ITGAD: variants seen among roughly 807,000 people sequenced by gnomAD.
ITGAD encodes the protein integrin alpha-D.
Under a neutral mutation model 139.0 loss-of-function variants are expected in ITGAD, and 105 were observed. The observed-to-expected ratio is 0.76, with a 90% CI of 0.65 to 0.89. ITGAD has a LOEUF of 0.89. Ranked by LOEUF, ITGAD falls within the 40% of genes least tolerant of loss-of-function variation. ITGAD has a pLI of 0.00. For missense variants in ITGAD, 1,384 were observed against 1,487.3 expected (o/e 0.93, Z 1.14); for synonymous variants, 569 against 598.3 (o/e 0.95, Z 0.71).
chr16:31,407,806 T>C lies in ITGAD; in HGVS notation c.899T>C (p.Leu300Pro). 2 of 1,613,906 alleles carry C rather than the reference T, an allele frequency of 1.2e-6. No individual in the cohort carries two copies. Among genetic ancestry groups the C allele is most frequent in the African/African-American group, 1.3e-5 (1 of 75,040 alleles). The part of the protein sequence containing the change: ...AFQGPTARQE[L>P]NTISSAPPQD... ...CAGGGACCCACTGCCAGGCAGGAGCTGAATACCATCAGCTCAGCGCCTCCG... is the reference window on the plus strand; with the variant it reads ...CAGGGACCCACTGCCAGGCAGGAGCCGAATACCATCAGCTCAGCGCCTCCG... Residue 300 changes from leucine to proline, a missense_variant, in exon 9 of 30, where the codon CTG becomes CCG. Physicochemically the swap from Leu to Pro is moderately conservative, Grantham distance 98 (BLOSUM62 -3). Coordinates refer to ENST00000389202, the MANE Select transcript of ITGAD (RefSeq NM_005353.3).
At chr16:31,415,994 G>A (rs1256123892) in intron 18 of ITGAD, among the ~76,000 whole-genome samples, 2 of 152,216 alleles carry the variant, frequency 1.3e-5, no homozygotes, top group African/African-American at 4.8e-5. Context: ...TAAGCTGGAT[G>A]TAACTCAACT....
intron 5 of ITGAD, 41 bp downstream of exon 5, chr16:31,397,950 C>A: frequency 1.3e-6 from 2 of 1,490,454 alleles, no homozygotes; most frequent in South Asian, 1.2e-5. Context: ...GGAGCACATG[C>A]TGGCACTGAG....
intron 2 of ITGAD, among the ~76,000 whole-genome samples, chr16:31,395,253 G>A (rs536563565): frequency 6.6e-6 from 1 of 152,288 alleles, no homozygotes; most frequent in East Asian, 1.9e-4. Context: ...CTGGGAGGTG[G>A]AGGTTGCAGT....
intron 5 of ITGAD, 39 bp from the exon 6 acceptor site, chr16:31,402,076 C>T: frequency 6.2e-7 from 1 of 1,601,986 alleles, no homozygotes; most frequent in Middle Eastern, 1.7e-4. Flanking sequence ...GGGTTGGGCC[C>T]CCGCAGTGCA....
rs2081183425 is a variant in ITGAD at position 31,393,366 on chromosome 16, C to T, written c.6C>T (p.Thr2=). The change falls in exon 1 of 30, where the codon ACC becomes ACT. Residue 2 remains threonine (T), a synonymous_variant. Transcript: ENST00000389202. M[T]FGTVLLLSVL... The stretch of plus-strand genomic sequence containing the variant: ...CCTCAACGCGCTGCTCAGGGATGAC[C>T]TTCGGCACTGTGCTTCTTCTGAGTG... 2 of 1,614,026 alleles carry T rather than the reference C, an allele frequency of 1.2e-6. No homozygotes were observed. Among genetic ancestry groups the T allele is most frequent in the Non-Finnish European group, 1.7e-6 (2 of 1,180,024 alleles).
At position 31,397,640 on chromosome 16, in the gene ITGAD, G is replaced by A. The variant is rs772777944; in HGVS notation, c.286G>A (p.Ala96Thr). 41 of 1,343,560 alleles carry A rather than the reference G, an allele frequency of 3.1e-5. No homozygotes were observed. The highest frequency in any genetic ancestry group is 3.8e-5 in the Non-Finnish European group (39 of 1,022,022). The allele number at this position is 1,343,560 out of a possible 1,614,324, so 83.2% of individuals were successfully genotyped here. ...CATGTCCTTGGGCCTGACCCTGGCA[G>A]CCTCCACCAACGGCTCCCGGCTCCT... Reference protein sequence around the residue: ...VNMSLGLTLAASTNGSRLLAC... With the variant: ...VNMSLGLTLATSTNGSRLLAC... The change falls in exon 4 of 30, where the codon GCC becomes ACC. Residue 96 changes from alanine to threonine, a missense_variant. Transcript: ENST00000389202.
intron 6 of ITGAD, 70 bp downstream of exon 6, chr16:31,402,315 A>C: frequency 2.0e-4 from 14 of 70,634 alleles, no homozygotes; most frequent in Non-Finnish European, 3.2e-4. Context: ...GCATCCCGGG[A>C]GGGGTGGGGG....
intron 16 of ITGAD, among the ~76,000 whole-genome samples, chr16:31,413,456 C>T (rs1233662345): frequency 6.6e-6 from 1 of 152,082 alleles, no homozygotes; most frequent in East Asian, 1.9e-4. Flanking sequence ...ACCCAGTTCT[C>T]TCCTGGGCCC....
At chr16:31,408,977 T>C (rs2081609822) in intron 10 of ITGAD, among the ~76,000 whole-genome samples, 1 of 152,054 alleles carries the variant, frequency 6.6e-6, no homozygotes, top group African/African-American at 2.4e-5. Flanking sequence ...AAGATGTGGT[T>C]TGGAAGTGCG....
intron 20 of ITGAD, 110 bp from the exon 21 acceptor site, chr16:31,417,965 A>G (rs553262503): frequency 2.4e-5 from 21 of 875,558 alleles, no homozygotes; most frequent in African/African-American, 2.0e-4. Context: ...ACAACAACAA[A>G]AAAAGAAAAG....
chr16:31,423,925 G>A lies in ITGAD; in HGVS notation c.3126G>A (p.Leu1042=), dbSNP rs541319481. The A allele has an allele frequency of 1.5e-5, 24 of 1,614,096 alleles. No homozygotes were observed. Among genetic ancestry groups the A allele is most frequent in the Non-Finnish European group, 6.8e-6 (8 of 1,180,056 alleles). The change falls in exon 27 of 30, where the codon CTG becomes CTA. Residue 1042 remains leucine (L), a synonymous_variant. Transcript: ENST00000389202. The part of the protein sequence containing the change: ...FSVQEELDFT[L]KGNLSFGWVR... ...TCCAGGAGGAGCTGGATTTCACCCTGAAGGGCAATCTCAGTTTCGGCTGGG... is the reference window on the plus strand; with the variant it reads ...TCCAGGAGGAGCTGGATTTCACCCTAAAGGGCAATCTCAGTTTCGGCTGGG...
chr16:31,407,546 C>G lies in ITGAD; in HGVS notation c.736C>G (p.Arg246Gly), dbSNP rs147321998. 6.2e-7 allele frequency: 1 copy of G among 1,604,482 alleles called. No individual in the cohort carries two copies. Among genetic ancestry groups the G allele is most frequent in the Non-Finnish European group, 8.5e-7 (1 of 1,174,522 alleles). Residue 246 changes from arginine (R) to glycine (G), a missense_variant, in exon 8 of 30, where the codon CGA (arginine) becomes GGA (glycine). Coordinates refer to ENST00000389202, the MANE Select transcript of ITGAD (RefSeq NM_005353.3). ...TQLFHHKNGARKSAKKILIVI... is the reference protein window; with the variant it reads ...TQLFHHKNGAGKSAKKILIVI... ...GCTATTTCATCATAAGAATGGGGCC[C>G]GAAAAAGTGCCAAGAAGATCCTCAT...
At chr16:31,421,782 G>A (rs1358711401) in intron 23 of ITGAD, among the ~76,000 whole-genome samples, 2 of 152,092 alleles carry the variant, frequency 1.3e-5, no homozygotes, top group Non-Finnish European at 1.5e-5. Context: ...GGAAGTGGTC[G>A]ACCTGAGATG....
chr16:31,394,439 C>T, intron 2 of ITGAD, 98 bp downstream of exon 2: 1 of 798,028 alleles, frequency 1.3e-6, no homozygotes, highest in Non-Finnish European at 2.1e-6. Context: ...GGAGGAAGGC[C>T]AGCAGGGGTG....
In ITGAD at chr16:31,423,581, G is replaced by A; in HGVS notation, c.2978G>A (p.Cys993Tyr). ...TCTTTCTCTTCCCAGAGTCTCCCCTGTGTTTCAGAGAGAAAACCTCCCCAG... is the reference window on the plus strand; with the variant it reads ...TCTTTCTCTTCCCAGAGTCTCCCCTATGTTTCAGAGAGAAAACCTCCCCAG... ...VMEAPSQSLP[C>Y]VSERKPPQHS... The change falls in exon 26 of 30, where the codon TGT (cysteine) becomes TAT (tyrosine). Residue 993 changes from cysteine (C) to tyrosine (Y), a missense_variant. Physicochemically the swap from Cys to Tyr is radical, Grantham distance 194 (BLOSUM62 -2). Coordinates refer to ENST00000389202, the MANE Select transcript of ITGAD (RefSeq NM_005353.3). 1 of 1,613,952 alleles carries A rather than the reference G, an allele frequency of 6.2e-7. No homozygotes were observed. The highest frequency in any genetic ancestry group is 1.3e-5 in the African/African-American group (1 of 74,968).
At position 31,397,481 on chromosome 16, in the gene ITGAD, A is replaced by C. The variant is rs367888847; in HGVS notation, c.241+19A>C. The C allele has an allele frequency of 8.2e-6, 13 of 1,583,090 alleles. No homozygotes were observed. Among genetic ancestry groups the C allele is most frequent in the Non-Finnish European group, 1.0e-5 (12 of 1,162,668 alleles). ...CTGCACAGTGAGTGACCACCTGGGA[A>C]TTGGGCCCCTCAACCCTCCTGGACC... On this transcript the variant is annotated intron_variant, in intron 3 of 29. Coordinates refer to ENST00000389202, the MANE Select transcript of ITGAD (RefSeq NM_005353.3).
intron 11 of ITGAD, 89 bp downstream of exon 11, chr16:31,410,613 G>A: frequency 1.9e-6 from 3 of 1,552,344 alleles, no homozygotes; most frequent in Non-Finnish European, 2.6e-6. Context: ...TGGGCGCTGT[G>A]CTGCCTGGGG....
Position 31,403,948 on chromosome 16 carries a change from C to T in ITGAD, c.704+303C>T, listed in dbSNP as rs1004223904. On this transcript the variant is annotated intron_variant, in intron 7 of 29. Transcript: ENST00000389202. This position sits in a 1 kb window ranked among gnomAD's most constrained non-coding sequence, Gnocchi z 4.4. ...AGAGGCCCGGGCTTTGGCTCAGACACATCAGGCTCCCATCCTGGCTCCCCG... is the reference window on the plus strand; with the variant it reads ...AGAGGCCCGGGCTTTGGCTCAGACATATCAGGCTCCCATCCTGGCTCCCCG... The T allele has an allele frequency of 2.0e-5, 8 of 395,262 alleles. No homozygotes were observed. The highest frequency in any genetic ancestry group is 1.9e-5 in the Non-Finnish European group (4 of 211,994). 24.5% of individuals were successfully genotyped at this position (395,262 alleles called of 1,614,324 possible). A position where few individuals can be genotyped will look rare whatever the true frequency, so the allele number is the denominator to read the frequency against.
At chr16:31,402,303 A>C (rs1597116462) in intron 6 of ITGAD, 58 bp downstream of exon 6, 1 of 377,930 alleles carries the variant, frequency 2.6e-6, no homozygotes, top group Non-Finnish European at 3.5e-6. Flanking sequence ...GGCCTCGGGG[A>C]GGCATCCCGG....
Sources: allele counts gnomAD v4.1 joint callset (sites outside exome capture counted in the v4.1 genomes callset), GRCh38; gene constraint gnomAD v4.1.1; non-coding constraint Gnocchi (gnomAD v3.1); transcripts MANE v1.5; gene names NCBI Gene and HGNC (gene_info 2026-07-23, HGNC 2026-07-21).